The following PLXDC1 variants were observed in gnomAD, a reference collection of about 807,000 sequenced individuals.
PLXDC1 encodes the protein plexin domain-containing protein 1.
PLXDC1 carries 39 observed loss-of-function variants against 61.3 expected under a neutral mutation model. That is an observed-to-expected ratio of 0.64 (90% confidence interval 0.49 to 0.83). The LOEUF (loss-of-function observed/expected upper bound fraction) is 0.83, where lower values mean the gene tolerates loss of function less well. PLXDC1 is among the 40% of genes least tolerant of loss of function. The pLI is 0.00. For synonymous variants in PLXDC1, 212 were observed against 254.5 expected, an observed-to-expected ratio of 0.83 and a Z score of 1.59; for missense variants, 596 against 666.5, an observed-to-expected ratio of 0.89 and a Z score of 1.17.
intron 8 of PLXDC1, 41 bp from the exon 9 acceptor site, chr17:39,083,581 T>C (rs1216341119): frequency 6.8e-7 from 1 of 1,468,640 alleles, no homozygotes; most frequent in Non-Finnish European, 9.4e-7. Context: ...ACCGAGCCTC[T>C]CCTTGGGCTC....
chr17:39,096,300 G>A (rs1910198964), intron 7 of PLXDC1, among the ~76,000 whole-genome samples: 3 of 152,180 alleles, frequency 2.0e-5, no homozygotes, highest in Admixed American at 2.0e-4. Flanking sequence ...AGAAAGAAGA[G>A]GCCAGAAATG....
intron 2 of PLXDC1, among the ~76,000 whole-genome samples, chr17:39,121,955 T>C (rs1911171983): frequency 6.7e-6 from 1 of 150,018 alleles, no homozygotes; most frequent in Non-Finnish European, 1.5e-5. Flanking sequence ...AAATTATCTA[T>C]GTGTGGTGGT....
intron 2 of PLXDC1, 137 bp downstream of exon 2, chr17:39,139,517 T>G: frequency 1.3e-6 from 1 of 765,024 alleles, no homozygotes; most frequent in Non-Finnish European, 2.1e-6. Flanking sequence ...TCCCCGGGGA[T>G]TCTTCTCTCC....
intron 2 of PLXDC1, among the ~76,000 whole-genome samples, chr17:39,110,749 AGGGACAAG>A (rs1910769767): frequency 6.6e-6 from 1 of 152,242 alleles, no homozygotes; most frequent in African/African-American, 2.4e-5. Context: ...CAGCGTGAGC[AGGGACAAG>A]GGGTTCCTGC....
At chr17:39,076,463 A>G (rs1909340136) in intron 11 of PLXDC1, among the ~76,000 whole-genome samples, 1 of 150,656 alleles carries the variant, frequency 6.6e-6, no homozygotes, top group Admixed American at 6.6e-5. Flanking sequence ...GTGAGCCATG[A>G]TCACTCCAGT....
At position 39,128,139 on chromosome 17, in the gene PLXDC1, GTA is replaced by G. The variant is rs1382149776; in HGVS notation, c.255+11513_255+11514del. Among the ~76,000 whole-genome samples the G allele has an allele frequency of 1.0e-3, 98 of 95,098 alleles. 2 individuals carry two copies. In the South Asian group the frequency reaches 0.02, roughly 19 times the overall value. The allele number at this position is 95,098 out of a possible 152,430, so 62.4% of individuals were successfully genotyped here. On this transcript the variant is annotated intron_variant, in intron 2 of 13. Transcript: ENST00000315392. ...TGTATATATATATGTGTATATATATGTATATATATGTGTGTATATATATGTAT... is the reference window on the plus strand; with the variant it reads ...TGTATATATATATGTGTATATATATGTATATATGTGTGTATATATATGTAT...
intron 2 of PLXDC1, among the ~76,000 whole-genome samples, chr17:39,126,672 C>T (rs953843928): frequency 2.6e-5 from 4 of 152,106 alleles, no homozygotes; most frequent in Admixed American, 1.3e-4. Context: ...TATCACAGGG[C>T]GCACTCACAC....
At position 39,077,956 on chromosome 17, in the gene PLXDC1, G is replaced by T. The variant is rs1002783185; in HGVS notation, c.1143C>A (p.Thr381=). The T allele has an allele frequency of 5.6e-6, 9 of 1,613,920 alleles. No homozygotes were observed. The highest frequency in any genetic ancestry group is 7.6e-6 in the Non-Finnish European group (9 of 1,179,902). ...CGATGAAGAGGGAGGAGGAGGTAGT[G>T]GTGAGGTCTCCATCATAGGGGCTGA... ...TSFSPYDGDL[T]TTSSSLFIDS... The change falls in exon 11 of 14, where the codon ACC becomes ACA. Residue 381 remains threonine, a synonymous_variant. Transcript: ENST00000315392.
intron 2 of PLXDC1, among the ~76,000 whole-genome samples, chr17:39,122,922 T>C (rs886903306): frequency 1.1e-4 from 16 of 152,180 alleles, no homozygotes; most frequent in African/African-American, 3.1e-4. Flanking sequence ...TAAAGCCACA[T>C]TGGGAGAAGG....
chr17:39,108,893 C>T lies in PLXDC1; in HGVS notation c.469+11G>A, dbSNP rs754518217. The T allele has an allele frequency of 1.7e-5, 28 of 1,608,210 alleles. No homozygotes were observed. Among genetic ancestry groups the T allele is most frequent in the East Asian group, 1.1e-4 (5 of 44,836 alleles). ...CCAGACTCTCCCCGGGGCCCCACGA[C>T]GTGGCCTTACCTCCAGTTGCTATGG... On this transcript the variant is annotated intron_variant, in intron 4 of 13. Transcript: ENST00000315392.
intron 7 of PLXDC1, among the ~76,000 whole-genome samples, chr17:39,088,926 G>A (rs1248381739): frequency 3.2e-5 from 4 of 124,116 alleles, no homozygotes; most frequent in Non-Finnish European, 4.9e-5. Flanking sequence ...TCCAGCCTGG[G>A]TGACAAGAGC....
At position 39,067,642 on chromosome 17, in the gene PLXDC1, A is replaced by T; in HGVS notation, c.*198T>A. ...GATTAGGTTGTTGTTCCTATAAAAA[A>T]TCCATGTGGTTGTTTTTTGGCCCCC... On this transcript the variant is annotated 3_prime_UTR_variant, in exon 14 of 14. Transcript: ENST00000315392. 1.9e-6 allele frequency: 1 copy of T among 529,126 alleles called. No homozygotes were observed. Among genetic ancestry groups the T allele is most frequent in the Non-Finnish European group, 3.4e-6 (1 of 296,824 alleles). The allele number at this position is 529,126 out of a possible 1,614,324, so 32.8% of individuals were successfully genotyped here. A position where few individuals can be genotyped will look rare whatever the true frequency, so the allele number is the denominator to read the frequency against.
intron 1 of PLXDC1, among the ~76,000 whole-genome samples, chr17:39,150,630 G>A (rs1017706986): frequency 1.5e-4 from 23 of 152,066 alleles, no homozygotes; most frequent in Admixed American, 4.6e-4. Flanking sequence ...TGGAGAACTG[G>A]TAGGGGGGAA....
chr17:39,109,122 G>T, intron 3 of PLXDC1, 126 bp downstream of exon 3: 1 of 1,348,852 alleles, frequency 7.4e-7, no homozygotes, highest in Non-Finnish European at 1.0e-6. Context: ...AGTCCCATGG[G>T]AACCCCTGGA....
chr17:39,063,887 C>T lies in PLXDC1; in HGVS notation c.*3953G>A, dbSNP rs1908799298. The T allele has an allele frequency of 5.5e-6, 1 of 181,284 alleles. No individual in the cohort carries two copies. The highest frequency in any genetic ancestry group is 2.4e-5 in the African/African-American group (1 of 42,282). The allele number at this position is 181,284 out of a possible 1,614,324, so 11.2% of individuals were successfully genotyped here. A position where few individuals can be genotyped will look rare whatever the true frequency, so the allele number is the denominator to read the frequency against. ...CCAATCTGTGAGTCTGTTCCAGGAA[C>T]TAGAGGAGAGAGAGCCTTAGCCTTG... On this transcript the variant is annotated 3_prime_UTR_variant, in exon 14 of 14. Coordinates refer to ENST00000315392, the MANE Select transcript of PLXDC1 (RefSeq NM_020405.5).
At chr17:39,094,618 C>G (rs1910076818) in intron 7 of PLXDC1, among the ~76,000 whole-genome samples, 1 of 152,224 alleles carries the variant, frequency 6.6e-6, no homozygotes, top group Non-Finnish European at 1.5e-5. Context: ...TCCGCTAAGA[C>G]AGAGTCTGCA....
chr17:39,127,411 C>G (rs1911343476), intron 2 of PLXDC1, among the ~76,000 whole-genome samples: 1 of 152,124 alleles, frequency 6.6e-6, no homozygotes, highest in South Asian at 2.1e-4. Flanking sequence ...GCTTATGCTT[C>G]CCACTCCCAC....
At chr17:39,106,491 T>A (rs544394373) in intron 6 of PLXDC1, among the ~76,000 whole-genome samples, 1 of 150,156 alleles carries the variant, frequency 6.7e-6, no homozygotes, top group East Asian at 2.0e-4. Flanking sequence ...CTTCTTCTAT[T>A]TTTTTTTTAA....
At chr17:39,093,631 G>A (rs1210773977) in intron 7 of PLXDC1, among the ~76,000 whole-genome samples, 5 of 151,962 alleles carry the variant, frequency 3.3e-5, no homozygotes, top group East Asian at 1.9e-4. Flanking sequence ...TAGGGGAATC[G>A]CTGGAACCCG....
Sources: allele counts gnomAD v4.1 joint callset (sites outside exome capture counted in the v4.1 genomes callset), GRCh38; gene constraint gnomAD v4.1.1; transcripts MANE v1.5; gene names NCBI Gene and HGNC (gene_info 2026-07-23, HGNC 2026-07-21).